The following CAPN9 variants were observed in gnomAD, a reference collection of about 807,000 sequenced individuals.
CAPN9 encodes the protein calpain-9.
A neutral mutation model predicts 92.8 loss-of-function variants in CAPN9; 81 were observed. The observed-to-expected ratio is 0.87, with a 90% CI of 0.73 to 1.05. CAPN9 has a LOEUF of 1.05. Ranked by LOEUF, CAPN9 falls within the 50% of genes least tolerant of loss-of-function variation. CAPN9 has a pLI of 0.00. For synonymous variants in CAPN9, 304 were observed against 328.0 expected (o/e 0.93, Z 0.79); for missense variants, 848 against 866.2 (o/e 0.98, Z 0.26).
chr1:230,777,320 C>T (rs1364792753), intron 8 of CAPN9, among the ~76,000 whole-genome samples: 1 of 151,976 alleles, frequency 6.6e-6, no homozygotes, highest in Non-Finnish European at 1.5e-5. Context: ...AGCCCCAACA[C>T]CAGGGCTGAG....
intron 17 of CAPN9, 146 bp downstream of exon 17, chr1:230,793,074 A>C: frequency 1.5e-6 from 1 of 658,164 alleles, no homozygotes; most frequent in Non-Finnish European, 2.7e-6. Flanking sequence ...CGGCCCTTGG[A>C]GTGGTGGCAC....
At chr1:230,749,383 C>A (rs1349070779) in intron 1 of CAPN9, among the ~76,000 whole-genome samples, 1 of 152,220 alleles carries the variant, frequency 6.6e-6, no homozygotes. Flanking sequence ...AAAAGAGTGA[C>A]CCTCTGAGGG....
chr1:230,779,059 A>G lies in CAPN9; in HGVS notation c.1040A>G (p.His347Arg). 6.2e-7 allele frequency: 1 copy of G among 1,613,740 alleles called. No homozygotes were observed. The highest frequency in any genetic ancestry group is 8.5e-7 in the Non-Finnish European group (1 of 1,179,982). Residue 347 changes from histidine to arginine, a missense_variant, in exon 9 of 20, where the codon CAC (histidine) becomes CGC (arginine). His to Arg is a conservative substitution (Grantham distance 29, BLOSUM62 0). Transcript: ENST00000271971. ...TPDALEEDAI[H>R]KWEVTVHQGS... ...GATGCCCTGGAGGAAGACGCGATCC[A>G]CAAATGGGAGGTGACGGTCCATCAG...
chr1:230,798,843 C>T (rs1029380680), intron 19 of CAPN9, among the ~76,000 whole-genome samples: 18 of 152,292 alleles, frequency 1.2e-4, no homozygotes, highest in African/African-American at 4.1e-4. Flanking sequence ...GTTGGAAATG[C>T]AGAGTGCCAG....
rs776909629 is a variant in CAPN9 at position 230,795,315 on chromosome 1, G to T, written c.1987+36G>T. Reference sequence around the variant, plus strand: ...AGCGAGGCTGAGGGTGCACCTCGGGGTGGCATCTTCAGTCACCCTCCATGA... The same window carrying T: ...AGCGAGGCTGAGGGTGCACCTCGGGTTGGCATCTTCAGTCACCCTCCATGA... On this transcript the variant is annotated intron_variant, in intron 18 of 19. Transcript: ENST00000271971. 3.0e-6 allele frequency: 4 copies of T among 1,341,870 alleles called. No individual in the cohort carries two copies. The Admixed American group carries it at 5.1e-5, about 17-fold the overall frequency. 83.1% of individuals were successfully genotyped at this position (1,341,870 alleles called of 1,614,324 possible). A position where few individuals can be genotyped will look rare whatever the true frequency, so the allele number is the denominator to read the frequency against.
At chr1:230,780,744 T>C (rs764810929) in intron 11 of CAPN9, 36 bp downstream of exon 11, 2 of 1,557,480 alleles carry the variant, frequency 1.3e-6, no homozygotes, top group Admixed American at 1.7e-5. Context: ...ATCCCACTTC[T>C]TTTAGTGGTT....
intron 3 of CAPN9, among the ~76,000 whole-genome samples, chr1:230,761,256 C>T (rs1405699619): frequency 6.6e-6 from 1 of 152,166 alleles, no homozygotes; most frequent in Non-Finnish European, 1.5e-5. Context: ...CCTTCACACT[C>T]CTCTTCCACT....
Position 230,747,677 on chromosome 1 carries a change from C to A in CAPN9, c.181C>A (p.Pro61Thr). The stretch of plus-strand genomic sequence containing the variant: ...TTCCTCCCTGTTCTACAGTGAGAGG[C>A]CGCAGATCCCCTTTGTGTGGAAACG... ...SNSSLFYSERPQIPFVWKRPG... is the reference protein window; with the variant it reads ...SNSSLFYSERTQIPFVWKRPG... Residue 61 changes from proline (P) to threonine (T), a missense_variant, in exon 1 of 20, where the codon CCG (proline) becomes ACG (threonine). Physicochemically the swap from Pro to Thr is conservative, Grantham distance 38. Coordinates refer to ENST00000271971, the MANE Select transcript of CAPN9 (RefSeq NM_006615.3). 1 of 1,614,206 alleles carries A rather than the reference C, an allele frequency of 6.2e-7. No homozygotes were observed.
intron 11 of CAPN9, among the ~76,000 whole-genome samples, chr1:230,783,585 A>G (rs1244941704): frequency 6.6e-6 from 1 of 152,214 alleles, no homozygotes; most frequent in Admixed American, 6.5e-5. Flanking sequence ...AGGTCTCCCT[A>G]GAAGTCAAGG....
rs751230944 is a variant in CAPN9 at position 230,762,760 on chromosome 1, C to A, written c.510C>A (p.Ser170Arg). 1 of 1,614,050 alleles carries A rather than the reference C, an allele frequency of 6.2e-7. No homozygotes were observed. Among genetic ancestry groups the A allele is most frequent in the Non-Finnish European group, 8.5e-7 (1 of 1,179,982 alleles). Residue 170 changes from serine (S) to arginine (R), a missense_variant, in exon 4 of 20, where the codon AGC becomes AGA. By Grantham distance (110) the Ser-to-Arg change is moderately radical. Transcript: ENST00000271971. Reference protein sequence around the residue: ...LHSADHNEFWSALLEKAYAKL... With the variant: ...LHSADHNEFWRALLEKAYAKL... ...CTGCCGACCACAACGAGTTCTGGAGCGCCTTGCTGGAAAAAGCCTACGCCA... is the reference window on the plus strand; with the variant it reads ...CTGCCGACCACAACGAGTTCTGGAGAGCCTTGCTGGAAAAAGCCTACGCCA...
chr1:230,785,025 C>T (rs28741100), intron 11 of CAPN9, among the ~76,000 whole-genome samples: 8,109 of 152,300 alleles, frequency 0.053, 699 homozygotes, highest in African/African-American at 0.18. Context: ...AAGGAGATCA[C>T]TTTGGAGCTT....
intron 3 of CAPN9, among the ~76,000 whole-genome samples, chr1:230,760,049 A>G (rs1322956350): frequency 6.6e-6 from 1 of 152,192 alleles, no homozygotes; most frequent in Non-Finnish European, 1.5e-5. Flanking sequence ...TTTAAAAAAT[A>G]AAAACTGAGA....
At chr1:230,789,903 T>A (rs1667864018) in intron 13 of CAPN9, among the ~76,000 whole-genome samples, 1 of 152,170 alleles carries the variant, frequency 6.6e-6, no homozygotes, top group Non-Finnish European at 1.5e-5. Context: ...GGTTGGGATG[T>A]CTCTCAAGTT....
intron 8 of CAPN9, among the ~76,000 whole-genome samples, chr1:230,777,505 A>G (rs183764581): frequency 6.6e-6 from 1 of 151,922 alleles, no homozygotes; most frequent in East Asian, 1.9e-4. Flanking sequence ...CTTCTTCTGA[A>G]TCATTCCCCT....
At chr1:230,754,626 A>AC in intron 1 of CAPN9, among the ~76,000 whole-genome samples, 1 of 118,862 alleles carries the variant, frequency 8.4e-6, no homozygotes, top group Non-Finnish European at 1.7e-5. Flanking sequence ...ACATAGCGAG[A>AC]CCCCCATCTC....
Position 230,772,059 on chromosome 1 carries a change from C to A in CAPN9, c.835C>A (p.Pro279Thr), listed in dbSNP as rs375003971. Residue 279 changes from proline (P) to threonine (T), a missense_variant, in exon 7 of 20, where the codon CCT becomes ACT. By Grantham distance (38) the Pro-to-Thr change is conservative. Coordinates refer to ENST00000271971, the MANE Select transcript of CAPN9 (RefSeq NM_006615.3). ...QRIELIRIRN[P>T]WGQVEWNGSW... The stretch of plus-strand genomic sequence containing the variant: ...AATCGAGCTCATCCGAATCCGGAAC[C>A]CTTGGGGCCAGGTTGAGTGGAACGG... The A allele has an allele frequency of 1.2e-6, 2 of 1,614,246 alleles. No individual in the cohort carries two copies. The highest frequency in any genetic ancestry group is 8.5e-7 in the Non-Finnish European group (1 of 1,180,042).
At chr1:230,751,530 A>G (rs1194513227) in intron 1 of CAPN9, among the ~76,000 whole-genome samples, 2 of 132,432 alleles carry the variant, frequency 1.5e-5, no homozygotes, top group Admixed American at 7.7e-5. Flanking sequence ...AGAGAAAGAG[A>G]AAGAAAGATA....
chr1:230,788,810 C>G lies in CAPN9; in HGVS notation c.1599+1208C>G, dbSNP rs1464721121. On this transcript the variant is annotated intron_variant, in intron 13 of 19. Coordinates refer to ENST00000271971, the MANE Select transcript of CAPN9 (RefSeq NM_006615.3). ...CTGGAGCATGCTGGGTCAGACCCAGCAAGACAGGCTCAGAGGAGTTAAAGA... is the reference window on the plus strand; with the variant it reads ...CTGGAGCATGCTGGGTCAGACCCAGGAAGACAGGCTCAGAGGAGTTAAAGA... 2.0e-5 allele frequency among the ~76,000 whole-genome samples: 3 copies of G among 152,228 alleles called. No individual in the cohort carries two copies. In the East Asian group the frequency reaches 5.8e-4, roughly 29 times the overall value.
chr1:230,784,004 C>T (rs1214767252), intron 11 of CAPN9, among the ~76,000 whole-genome samples: 2 of 152,180 alleles, frequency 1.3e-5, no homozygotes, highest in Non-Finnish European at 2.9e-5. Context: ...AAGAACTTGG[C>T]TGAATTGTGT....
Sources: gnomAD v4.1 joint callset for allele counts (sites outside exome capture counted in the v4.1 genomes callset) on GRCh38, gnomAD v4.1.1 for gene constraint, MANE v1.5 for transcripts, NCBI Gene and HGNC (gene_info 2026-07-23, HGNC 2026-07-21) for gene names.